ADD3: variants seen among roughly 807,000 people sequenced by gnomAD.
The protein encoded by ADD3 is adducin 3, also known as gamma-adducin.
ADD3 carries 25 observed loss-of-function variants against 80.2 expected under a neutral mutation model. The observed-to-expected ratio is 0.31, with a 90% CI of 0.23 to 0.44. The LOEUF (loss-of-function observed/expected upper bound fraction) is 0.44, where lower values mean the gene tolerates loss of function less well. ADD3 is among the 20% of genes least tolerant of loss of function. ADD3 has a pLI of 1.00. For synonymous variants in ADD3, 284 were observed against 289.6 expected (o/e 0.98, Z 0.20); for missense variants, 829 against 847.5 (o/e 0.98, Z 0.27).
At chr10:110,005,931 T>G, upstream of ADD3, 2 of 177,900 alleles carry the variant, frequency 1.1e-5, no homozygotes, top group South Asian at 1.8e-4. Context: ...ATGGTAATTG[T>G]AGAGTTTACT....
At chr10:110,080,256 C>A (rs886703835) in intron 1 of ADD3, among the ~76,000 whole-genome samples, 1 of 152,106 alleles carries the variant, frequency 6.6e-6, no homozygotes, top group South Asian at 2.1e-4. Context: ...ACCTGACCTC[C>A]TTGAATCCTC....
At chr10:110,088,441 G>C (rs905385276) in intron 1 of ADD3, among the ~76,000 whole-genome samples, 1 of 152,188 alleles carries the variant, frequency 6.6e-6, no homozygotes, top group Non-Finnish European at 1.5e-5. Flanking sequence ...TTTGCAAGTA[G>C]TTTTCAAGTA....
At chr10:110,008,868 A>G (rs901828180) in intron 1 of ADD3, among the ~76,000 whole-genome samples, 1 of 152,092 alleles carries the variant, frequency 6.6e-6, no homozygotes, top group Admixed American at 6.6e-5. Context: ...ACACACAAAC[A>G]CACCGCCCCT....
At chr10:110,113,868 C>T (rs1365215340) in intron 3 of ADD3, among the ~76,000 whole-genome samples, 1 of 152,124 alleles carries the variant, frequency 6.6e-6, no homozygotes, top group Non-Finnish European at 1.5e-5. Flanking sequence ...ATTGGAAGTG[C>T]AGTCAGAGAG....
chr10:110,032,709 A>G (rs934129314), intron 1 of ADD3, among the ~76,000 whole-genome samples: 1 of 152,224 alleles, frequency 6.6e-6, no homozygotes, highest in African/African-American at 2.4e-5. Context: ...AGAATCTGAA[A>G]TAATCGCTAT....
chr10:110,085,356 G>A (rs1846594306), intron 1 of ADD3, among the ~76,000 whole-genome samples: 1 of 152,176 alleles, frequency 6.6e-6, no homozygotes, highest in Admixed American at 6.5e-5. Context: ...CTTTGTTGAA[G>A]ATTTAATTTG....
intron 6 of ADD3, 60 bp downstream of exon 6, chr10:110,118,796 T>C: frequency 3.3e-6 from 5 of 1,508,424 alleles, no homozygotes; most frequent in Admixed American, 1.8e-5. Flanking sequence ...TTTTGTGGCT[T>C]TCTCAACAGG....
At chr10:110,130,520 C>A in intron 13 of ADD3, 34 bp downstream of exon 13, 2 of 1,606,082 alleles carry the variant, frequency 1.2e-6, no homozygotes, top group South Asian at 2.2e-5. Context: ...CTAGGGTAAG[C>A]CACACTGATA....
At chr10:110,011,954 T>C (rs1852385694) in intron 1 of ADD3, among the ~76,000 whole-genome samples, 1 of 152,248 alleles carries the variant, frequency 6.6e-6, no homozygotes, top group African/African-American at 2.4e-5. Flanking sequence ...ATGGGTTGTA[T>C]ATATCAAGAA....
chr10:110,127,258 G>A (rs1048815575), intron 12 of ADD3, among the ~76,000 whole-genome samples: 3 of 151,972 alleles, frequency 2.0e-5, no homozygotes, highest in South Asian at 2.1e-4. Context: ...CTCTCACCTT[G>A]CCTTTTTTTC....
chr10:110,040,940 CTCTCGCTCTCTCTGTCTCTCTCTG>C (rs915488341), intron 1 of ADD3, among the ~76,000 whole-genome samples: 21 of 96,806 alleles, frequency 2.2e-4, no homozygotes, highest in African/African-American at 6.8e-4. Context: ...CTCTCTCTCT[CTCTCGCTCTCTCTGTCTCTCTCTG>C]TCTCTCTCTC....
intron 1 of ADD3, among the ~76,000 whole-genome samples, chr10:110,079,451 AGAGAGAGAGAGTGTGT>A (rs1393053312): frequency 2.6e-4 from 35 of 132,866 alleles, no homozygotes; most frequent in African/African-American, 1.0e-3. Context: ...AGAGAGAGAG[AGAGAGAGAGAGTGTGT>A]GTGTGTGTGT....
At chr10:110,057,685 A>C (rs1564905076) in intron 1 of ADD3, among the ~76,000 whole-genome samples, 1 of 152,202 alleles carries the variant, frequency 6.6e-6, no homozygotes, top group African/African-American at 2.4e-5. Context: ...AACTAGGCAA[A>C]ACTCCAGGAA....
At chr10:110,046,841 T>C (rs1454940568) in intron 1 of ADD3, among the ~76,000 whole-genome samples, 1 of 152,202 alleles carries the variant, frequency 6.6e-6, no homozygotes, top group East Asian at 1.9e-4. Flanking sequence ...TGGAAATATT[T>C]GGTTTGAAAT....
At chr10:110,111,252 A>G (rs1326092883) in intron 2 of ADD3, among the ~76,000 whole-genome samples, 1 of 152,230 alleles carries the variant, frequency 6.6e-6, no homozygotes. Context: ...AATTTCTGGC[A>G]GGGCATCCTG....
Position 110,008,181 on chromosome 10 carries a change from C to T in ADD3, c.-148C>T, listed in dbSNP as rs978875274. 2.0e-5 allele frequency: 3 copies of T among 152,330 alleles called. No individual in the cohort carries two copies. Among genetic ancestry groups the T allele is most frequent in the Admixed American group, 2.0e-4 (3 of 15,288 alleles). The allele number at this position is 152,330 out of a possible 1,614,324, so 9.4% of individuals were successfully genotyped here. On this transcript the variant is annotated 5_prime_UTR_variant, in exon 1 of 15. Coordinates refer to ENST00000356080, the MANE Select transcript of ADD3 (RefSeq NM_016824.5). ...GCCCCCTCCCCTTCTCCCGCCCTAC[C>T]CTCTGGGGCTCTGCGGCGCTTAAGA...
At chr10:110,112,508 G>T (rs1468504855) in intron 2 of ADD3, among the ~76,000 whole-genome samples, 2 of 152,068 alleles carry the variant, frequency 1.3e-5, no homozygotes, top group African/African-American at 4.8e-5. Flanking sequence ...AATAAGAGGA[G>T]TTTTATCTGT....
At chr10:110,098,837 G>A (rs984024636) in intron 1 of ADD3, among the ~76,000 whole-genome samples, 2 of 151,798 alleles carry the variant, frequency 1.3e-5, no homozygotes, top group African/African-American at 4.8e-5. Context: ...CACTATGTTG[G>A]CCAGGCTGGT....
At chr10:110,000,764 A>G (rs1395571507) in intron 1 of ADD3, among the ~76,000 whole-genome samples, 1 of 152,200 alleles carries the variant, frequency 6.6e-6, no homozygotes, top group Non-Finnish European at 1.5e-5. Context: ...TGGGCAAGTT[A>G]CTTATTCTCT....
Sources: allele counts gnomAD v4.1 joint callset (sites outside exome capture counted in the v4.1 genomes callset), GRCh38; gene constraint gnomAD v4.1.1; transcripts MANE v1.5; gene names NCBI Gene and HGNC (gene_info 2026-07-23, HGNC 2026-07-21).